Variants in HS3ST2 observed in about 807,000 individuals in gnomAD.
HS3ST2 encodes heparan sulfate-glucosamine 3-sulfotransferase 2, also known as heparan sulfate glucosamine 3-O-sulfotransferase 2.
HS3ST2 carries 17 observed loss-of-function variants against 26.3 expected under a neutral mutation model. The observed-to-expected ratio is 0.65, with a 90% CI of 0.44 to 0.97. The LOEUF (loss-of-function observed/expected upper bound fraction) is 0.97, where lower values mean the gene tolerates loss of function less well. Ranked by LOEUF, HS3ST2 falls within the 50% of genes least tolerant of loss-of-function variation. The pLI is 0.00. For missense variants in HS3ST2, 402 were observed against 501.2 expected, an observed-to-expected ratio of 0.80 and a Z score of 1.89; for synonymous variants, 237 against 219.2, an observed-to-expected ratio of 1.08 and a Z score of -0.72.
At chr16:22,824,936 G>T (rs989087826) in intron 1 of HS3ST2, among the ~76,000 whole-genome samples, 1 of 152,128 alleles carries the variant, frequency 6.6e-6, no homozygotes, top group African/African-American at 2.4e-5. Context: ...GGGCATTGAA[G>T]CAAGGCCTCA....
rs1396231733 is a variant in HS3ST2, at chr16:22,880,349, T to G, written c.486-34595T>G. Among the ~76,000 whole-genome samples, 4 of 152,084 alleles carry G rather than the reference T, an allele frequency of 2.6e-5. 1 individual carries two copies. The highest frequency in any genetic ancestry group is 2.6e-4 in the Admixed American group (4 of 15,264). On this transcript the variant is annotated intron_variant, in intron 1 of 1. Coordinates refer to ENST00000261374, the MANE Select transcript of HS3ST2 (RefSeq NM_006043.2). The stretch of plus-strand genomic sequence containing the variant: ...GGAGGATCGCTTCAACCTGGGAGGT[T>G]GAGGCTGCAGTGAGCCATGATCATG...
chr16:22,861,750 G>A (rs1567490607), intron 1 of HS3ST2, among the ~76,000 whole-genome samples: 1 of 152,172 alleles, frequency 6.6e-6, no homozygotes, highest in Non-Finnish European at 1.5e-5. Context: ...TGATATGGCT[G>A]CTGCAATCCT....
intron 1 of HS3ST2, among the ~76,000 whole-genome samples, chr16:22,822,856 G>GAA (rs60765964): frequency 2.4e-4 from 27 of 112,432 alleles, no homozygotes; most frequent in Admixed American, 1.7e-3. Context: ...CTCCGTCTCA[G>GAA]AAAAAAAAAA....
intron 1 of HS3ST2, among the ~76,000 whole-genome samples, chr16:22,874,766 T>G (rs1457807369): frequency 6.6e-6 from 1 of 152,208 alleles, no homozygotes; most frequent in Non-Finnish European, 1.5e-5. Flanking sequence ...CTCCTGGTTC[T>G]CCTCAGATTT....
intron 1 of HS3ST2, among the ~76,000 whole-genome samples, chr16:22,884,153 A>G (rs1902028934): frequency 6.6e-6 from 1 of 152,206 alleles, no homozygotes; most frequent in African/African-American, 2.4e-5. Flanking sequence ...GAATTTTGAC[A>G]TCTGATACCT....
intron 1 of HS3ST2, among the ~76,000 whole-genome samples, chr16:22,854,012 C>T (rs546817153): frequency 1.3e-5 from 2 of 152,238 alleles, no homozygotes; most frequent in Non-Finnish European, 2.9e-5. Flanking sequence ...CATGTGGTCT[C>T]ACTATTGTAT....
intron 1 of HS3ST2, among the ~76,000 whole-genome samples, chr16:22,852,908 T>A (rs1454145959): frequency 5.3e-5 from 8 of 151,840 alleles, no homozygotes; most frequent in Non-Finnish European, 1.2e-4. Context: ...GTAGTCTTGG[T>A]TTCCAAACTG....
At chr16:22,856,177 T>C (rs1350437100) in intron 1 of HS3ST2, among the ~76,000 whole-genome samples, 2 of 152,198 alleles carry the variant, frequency 1.3e-5, no homozygotes, top group African/African-American at 4.8e-5. Flanking sequence ...CATGTGAAAC[T>C]GGGCAGGTTT....
At chr16:22,847,966 T>G (rs1901466685) in intron 1 of HS3ST2, among the ~76,000 whole-genome samples, 1 of 150,364 alleles carries the variant, frequency 6.7e-6, no homozygotes, top group African/African-American at 2.4e-5. Context: ...AAAGAAAGAG[T>G]GAGAAAGAAA....
intron 1 of HS3ST2, among the ~76,000 whole-genome samples, chr16:22,893,840 T>G (rs1376597989): frequency 3.3e-5 from 5 of 151,966 alleles, no homozygotes; most frequent in Non-Finnish European, 5.9e-5. Context: ...CAGACTGGAG[T>G]GCAGGGACAC....
intron 1 of HS3ST2, among the ~76,000 whole-genome samples, chr16:22,865,067 AAAAAG>A (rs1186785214): frequency 4.7e-5 from 7 of 150,300 alleles, no homozygotes; most frequent in Non-Finnish European, 1.0e-4. Flanking sequence ...AAAAAAAAAA[AAAAAG>A]AGGAAAAGAA....
At chr16:22,843,677 C>T (rs565234959) in intron 1 of HS3ST2, among the ~76,000 whole-genome samples, 3 of 152,274 alleles carry the variant, frequency 2.0e-5, no homozygotes, top group Non-Finnish European at 4.4e-5. Flanking sequence ...ACCCCCACCC[C>T]AGCTCGTGGA....
intron 1 of HS3ST2, among the ~76,000 whole-genome samples, chr16:22,835,279 T>A (rs1294098090): frequency 2.0e-5 from 3 of 149,104 alleles, no homozygotes; most frequent in African/African-American, 7.6e-5. Context: ...AGAAGTTATA[T>A]AGGCTATTTC....
At chr16:22,863,573 C>A (rs1901708788) in intron 1 of HS3ST2, among the ~76,000 whole-genome samples, 1 of 152,208 alleles carries the variant, frequency 6.6e-6, no homozygotes, top group Non-Finnish European at 1.5e-5. Context: ...TTTTTCAACC[C>A]TTGCCCCCAA....
At chr16:22,817,827 T>G (rs1900893527) in intron 1 of HS3ST2, among the ~76,000 whole-genome samples, 1 of 152,198 alleles carries the variant, frequency 6.6e-6, no homozygotes, top group Non-Finnish European at 1.5e-5. Context: ...GATAACTTCC[T>G]GATCAGGAGG....
intron 1 of HS3ST2, among the ~76,000 whole-genome samples, chr16:22,819,386 C>A (rs191916658): frequency 6.6e-6 from 1 of 152,202 alleles, no homozygotes; most frequent in African/African-American, 2.4e-5. Flanking sequence ...GCTCTCCATT[C>A]TAAGGAAGTT....
intron 1 of HS3ST2, among the ~76,000 whole-genome samples, chr16:22,842,812 T>C (rs1901377534): frequency 6.6e-6 from 1 of 152,196 alleles, no homozygotes; most frequent in Admixed American, 6.5e-5. Flanking sequence ...GAAAACTTCC[T>C]CTACGATTTT....
At chr16:22,843,493 AGATT>A (rs1901388219) in intron 1 of HS3ST2, among the ~76,000 whole-genome samples, 1 of 152,110 alleles carries the variant, frequency 6.6e-6, no homozygotes, top group African/African-American at 2.4e-5. Flanking sequence ...CTCCTATTTG[AGATT>A]GATTAATTTG....
chr16:22,914,101 C>T (rs1902459019), intron 1 of HS3ST2, among the ~76,000 whole-genome samples: 1 of 151,746 alleles, frequency 6.6e-6, no homozygotes, highest in Non-Finnish European at 1.5e-5. Context: ...TGTAACTCTG[C>T]ACTGCACCTT....
Sources: gnomAD v4.1 joint callset for allele counts (sites outside exome capture counted in the v4.1 genomes callset) on GRCh38, gnomAD v4.1.1 for gene constraint, MANE v1.5 for transcripts, NCBI Gene and HGNC (gene_info 2026-07-23, HGNC 2026-07-21) for gene names.